The following EZH1 variants were observed in gnomAD, a reference collection of about 807,000 sequenced individuals.
EZH1 encodes the protein enhancer of zeste 1 polycomb repressive complex 2 subunit.
In EZH1, 33 loss-of-function variants were observed where a neutral mutation model predicts 100.5. The ratio of observed to expected loss-of-function variants is 0.33; its 90% CI spans 0.25 to 0.44. The LOEUF (loss-of-function observed/expected upper bound fraction) is 0.44, where lower values mean the gene tolerates loss of function less well. Ranked by LOEUF, EZH1 falls within the 20% of genes least tolerant of loss-of-function variation. EZH1 has a pLI of 1.00. For missense variants in EZH1, 475 were observed against 928.4 expected, an observed-to-expected ratio of 0.51 and a Z score of 6.35; for synonymous variants, 272 against 313.8, an observed-to-expected ratio of 0.87 and a Z score of 1.41.
chr17:42,723,004 G>T, intron 5 of EZH1, 89 bp from the exon 6 acceptor site: 2 of 1,476,220 alleles, frequency 1.4e-6, no homozygotes, highest in Non-Finnish European at 9.0e-7. Flanking sequence ...AGCTTTGTTT[G>T]TTGCTTGAGT....
intron 6 of EZH1, among the ~76,000 whole-genome samples, chr17:42,720,877 C>T (rs951765947): frequency 3.9e-5 from 6 of 152,072 alleles, no homozygotes; most frequent in Admixed American, 6.6e-5. Context: ...TCGTGAACTC[C>T]AGACCTCAGG....
chr17:42,704,891 C>T (rs980469748), intron 17 of EZH1, among the ~76,000 whole-genome samples, 197 bp downstream of exon 17: 2 of 152,246 alleles, frequency 1.3e-5, no homozygotes, highest in Non-Finnish European at 2.9e-5. Context: ...CCCCTCATCT[C>T]TTGTGTCTGG....
rs2053642599 is a variant in EZH1 at position 42,718,266 on chromosome 17, T to G, written c.931+188A>C. 3.5e-6 allele frequency: 3 copies of G among 849,892 alleles called. No individual in the cohort carries two copies. The highest frequency in any genetic ancestry group is 5.4e-6 in the Non-Finnish European group (3 of 556,862). 52.6% of individuals were successfully genotyped at this position (849,892 alleles called of 1,614,324 possible). ...AGGTACTGAGGGACAGATAAGTTGC[T>G]AGTTAGTCTGTCCCTATCATGCAAA... On this transcript the variant is annotated intron_variant, in intron 9 of 20. Transcript: ENST00000428826. This position sits in a 1 kb window ranked among gnomAD's most constrained non-coding sequence, Gnocchi z 4.2.
intron 1 of EZH1, among the ~76,000 whole-genome samples, chr17:42,743,261 C>T (rs2054211522): frequency 6.6e-6 from 1 of 151,266 alleles, no homozygotes; most frequent in South Asian, 2.1e-4. Flanking sequence ...ACCTCCACCT[C>T]CCGGTTCAAG....
At chr17:42,730,657 C>T (rs893138443) in intron 2 of EZH1, among the ~76,000 whole-genome samples, 171 bp downstream of exon 2, 9 of 150,934 alleles carry the variant, frequency 6.0e-5, no homozygotes, top group South Asian at 4.2e-4. Flanking sequence ...CTACCACGCC[C>T]GGCTAATTTT....
intron 11 of EZH1, 101 bp downstream of exon 11, chr17:42,713,108 T>C (rs2053522696): frequency 1.0e-6 from 1 of 988,472 alleles, no homozygotes; most frequent in African/African-American, 1.7e-5. Flanking sequence ...AAAGAATTTA[T>C]AATTTTTAAG....
rs1237409185 is a variant in EZH1, at chr17:42,712,384, C to T, written c.1306G>A (p.Gly436Arg). ...EAPSEPVEWT[G>R]AEESLFRVFH... The stretch of plus-strand genomic sequence containing the variant: ...ACTCGAAAAAGAGATTCTTCAGCCC[C>T]AGTCCATTCCACAGGCTCCGAGGGT... The change falls in exon 12 of 21, where the codon GGG becomes AGG. Residue 436 changes from glycine to arginine, a missense_variant. By Grantham distance (125) the Gly-to-Arg change is moderately radical. Transcript: ENST00000428826. 2.5e-6 allele frequency: 4 copies of T among 1,614,222 alleles called. No homozygotes were observed. Among genetic ancestry groups the T allele is most frequent in the Non-Finnish European group, 3.4e-6 (4 of 1,180,044 alleles).
Position 42,718,420 on chromosome 17 carries a change from A to G in EZH1, c.931+34T>C, listed in dbSNP as rs372330524. 2.5e-6 allele frequency: 4 copies of G among 1,610,390 alleles called. No homozygotes were observed. The highest frequency in any genetic ancestry group is 3.3e-5 in the Admixed American group (2 of 59,942). On this transcript the variant is annotated intron_variant, in intron 9 of 20. Transcript: ENST00000428826. This position sits in a 1 kb window ranked among gnomAD's most constrained non-coding sequence, Gnocchi z 4.2. ...GAAATGGTGGCTGGGGATGGAAGAG[A>G]GGAGAGCATTTCAAACAGAGTAGCC... is the stretch of plus-strand genomic sequence containing the variant.
At chr17:42,708,804 G>T in intron 14 of EZH1, 72 bp downstream of exon 14, 1 of 1,511,722 alleles carries the variant, frequency 6.6e-7, no homozygotes, top group Admixed American at 1.7e-5. Flanking sequence ...TGCAGCTGGA[G>T]GTGGGGTAGG....
chr17:42,736,887 T>C (rs115223537), intron 1 of EZH1, among the ~76,000 whole-genome samples: 4,157 of 151,880 alleles, frequency 0.027, 192 homozygotes, highest in African/African-American at 0.093. Context: ...GAAACCACCA[T>C]ACTAAGTGAA....
intron 1 of EZH1, among the ~76,000 whole-genome samples, chr17:42,740,243 CT>C (rs146009996): frequency 3.3e-3 from 457 of 138,404 alleles, no homozygotes; most frequent in Middle Eastern, 3.5e-3. Flanking sequence ...GAGACAAGAT[CT>C]TTTTTTTTTT....
chr17:42,714,624 A>C, intron 10 of EZH1: 1 of 320,284 alleles, frequency 3.1e-6, no homozygotes, highest in Admixed American at 3.2e-5. Context: ...TGAAGGCACA[A>C]GCAGAGTCAG....
intron 12 of EZH1, 99 bp from the exon 13 acceptor site, chr17:42,710,036 G>A: frequency 1.0e-6 from 1 of 965,156 alleles, no homozygotes; most frequent in African/African-American, 1.6e-5. Context: ...GAGAAACTCA[G>A]GCAGCTGACC....
intron 6 of EZH1, among the ~76,000 whole-genome samples, chr17:42,721,737 T>A (rs2053710183): frequency 6.6e-6 from 1 of 151,176 alleles, no homozygotes. Flanking sequence ...GGGCCAGGCA[T>A]GTTGGCTCAC....
Position 42,724,308 on chromosome 17 carries a change from A to G in EZH1, c.363T>C (p.Phe121=). ...CCACAGTGCTTTCAATACATACCATAAAGTTCTGTTGGAGAGGGGACCAGG... is the reference window on the plus strand; with the variant it reads ...CCACAGTGCTTTCAATACATACCATGAAGTTCTGTTGGAGAGGGGACCAGG... The part of the protein sequence containing the change: ...MYSWSPLQQN[F]MVEDETVLCN... The change falls in exon 5 of 21, where the codon TTT becomes TTC. Residue 121 remains phenylalanine, a synonymous_variant. Coordinates refer to ENST00000428826, the MANE Select transcript of EZH1 (RefSeq NM_001991.5). 1.2e-6 allele frequency: 2 copies of G among 1,613,812 alleles called. No homozygotes were observed. The highest frequency in any genetic ancestry group is 1.7e-6 in the Non-Finnish European group (2 of 1,179,798).
chr17:42,707,573 T>G (rs2053383849), intron 15 of EZH1, among the ~76,000 whole-genome samples: 1 of 152,000 alleles, frequency 6.6e-6, no homozygotes, highest in African/African-American at 2.4e-5. Context: ...TTTTTTATTT[T>G]TAGTAGAGAT....
chr17:42,705,999 G>A lies in EZH1; in HGVS notation c.1839+8C>T. The A allele has an allele frequency of 6.2e-7, 1 of 1,608,026 alleles. No individual in the cohort carries two copies. The highest frequency in any genetic ancestry group is 8.5e-7 in the Non-Finnish European group (1 of 1,176,928). On this transcript the variant is annotated splice_region_variant and intron_variant, in intron 16 of 20. Coordinates refer to ENST00000428826, the MANE Select transcript of EZH1 (RefSeq NM_001991.5). ...TATGTGGTGTGGGGTCCTGAGGAAA[G>A]GCCTCACCTTCTTAAGTCCACGCTG...
chr17:42,702,809 A>G lies in EZH1; in HGVS notation c.2183+68T>C, dbSNP rs548051096. On this transcript the variant is annotated intron_variant, in intron 20 of 20. Coordinates refer to ENST00000428826, the MANE Select transcript of EZH1 (RefSeq NM_001991.5). Reference sequence around the variant, plus strand: ...CTCCATTACCCTCCCTGAGCCCCCAAATCTATTCCAACAGCCACTCTTTCC... The same window carrying G: ...CTCCATTACCCTCCCTGAGCCCCCAGATCTATTCCAACAGCCACTCTTTCC... The G allele has an allele frequency of 1.0e-4, 158 of 1,551,062 alleles. 2 individuals are homozygous for G. Among genetic ancestry groups the G allele is most frequent in the East Asian group, 6.5e-4 (29 of 44,550 alleles).
intron 12 of EZH1, among the ~76,000 whole-genome samples, chr17:42,710,700 T>C (rs988900145): frequency 2.0e-5 from 3 of 148,784 alleles, no homozygotes; most frequent in Non-Finnish European, 3.0e-5. Context: ...GGTGCCATCA[T>C]AGCTCAATGT....
Sources: allele counts gnomAD v4.1 joint callset (sites outside exome capture counted in the v4.1 genomes callset), GRCh38; gene constraint gnomAD v4.1.1; non-coding constraint Gnocchi (gnomAD v3.1); transcripts MANE v1.5; gene names NCBI Gene and HGNC (gene_info 2026-07-23, HGNC 2026-07-21).